The following CPA6 variants were observed in gnomAD, a reference collection of about 807,000 sequenced individuals.
The protein encoded by CPA6 is carboxypeptidase B.
In CPA6, 58 loss-of-function variants were observed where a neutral mutation model predicts 63.3. That is an observed-to-expected ratio of 0.92 (90% CI 0.74 to 1.14). The LOEUF (loss-of-function observed/expected upper bound fraction) is 1.14. CPA6 is among the 50% of genes most tolerant of loss of function. The probability of loss-of-function intolerance (pLI) is 0.00; values close to 1 mark genes in which losing one functional copy is unlikely to be tolerated. For missense variants in CPA6, 565 were observed against 526.6 expected, an observed-to-expected ratio of 1.07 and a Z score of -0.71; for synonymous variants, 185 against 179.0, an observed-to-expected ratio of 1.03 and a Z score of -0.27.
chr8:67,729,923 T>C (rs1817675153), intron 1 of CPA6, among the ~76,000 whole-genome samples: 1 of 152,236 alleles, frequency 6.6e-6, no homozygotes, highest in African/African-American at 2.4e-5. Flanking sequence ...AATTTGGCCA[T>C]TTCTGTTTTT....
intron 2 of CPA6, among the ~76,000 whole-genome samples, chr8:67,576,722 C>T (rs993222172): frequency 4.6e-5 from 7 of 152,176 alleles, no homozygotes; most frequent in African/African-American, 1.7e-4. Flanking sequence ...TTTAACTCTG[C>T]TTATGGTACT....
chr8:67,629,991 G>A (rs1270699621), intron 1 of CPA6, among the ~76,000 whole-genome samples: 1 of 151,854 alleles, frequency 6.6e-6, no homozygotes, highest in Non-Finnish European at 1.5e-5. Context: ...TATAGCACCA[G>A]CTACTCGGGA....
chr8:67,610,930 G>A (rs1474538141), intron 2 of CPA6, among the ~76,000 whole-genome samples: 4 of 151,836 alleles, frequency 2.6e-5, no homozygotes, highest in Non-Finnish European at 5.9e-5. Flanking sequence ...TTTAAACTAT[G>A]AGGATTACAT....
intron 1 of CPA6, among the ~76,000 whole-genome samples, chr8:67,666,956 G>A (rs929306817): frequency 1.3e-5 from 2 of 152,078 alleles, no homozygotes; most frequent in African/African-American, 4.8e-5. Context: ...TATGCACAAG[G>A]TTTACATATC....
At chr8:67,635,316 C>A (rs1815443377) in intron 1 of CPA6, among the ~76,000 whole-genome samples, 1 of 151,642 alleles carries the variant, frequency 6.6e-6, no homozygotes, top group Non-Finnish European at 1.5e-5. Flanking sequence ...TTTTTCTTGC[C>A]CTTTGCATGG....
At chr8:67,509,861 A>G (rs1386302401) in intron 4 of CPA6, among the ~76,000 whole-genome samples, 1 of 152,218 alleles carries the variant, frequency 6.6e-6, no homozygotes, top group African/African-American at 2.4e-5. Flanking sequence ...ATTAAAGCAT[A>G]CCTTCTACTA....
chr8:67,681,879 G>C (rs1816605858), intron 1 of CPA6, among the ~76,000 whole-genome samples: 1 of 151,138 alleles, frequency 6.6e-6, no homozygotes. Flanking sequence ...GGCTTTTCCA[G>C]GCTCTTTCAT....
At chr8:67,613,165 ACC>A (rs1814854323) in intron 2 of CPA6, among the ~76,000 whole-genome samples, 1 of 152,072 alleles carries the variant, frequency 6.6e-6, no homozygotes, top group Non-Finnish European at 1.5e-5. Flanking sequence ...CCTACCTCAT[ACC>A]CTTGCCTATT....
At chr8:67,673,389 T>TA (rs1491456262) in intron 1 of CPA6, among the ~76,000 whole-genome samples, 1 of 132,888 alleles carries the variant, frequency 7.5e-6, no homozygotes, top group African/African-American at 3.1e-5. Flanking sequence ...TATTTATTTA[T>TA]TTTTTTTTTT....
intron 2 of CPA6, among the ~76,000 whole-genome samples, chr8:67,577,418 C>T (rs1813655022): frequency 6.6e-6 from 1 of 152,142 alleles, no homozygotes; most frequent in South Asian, 2.1e-4. Flanking sequence ...TTCATCTCCC[C>T]ATCTGGGCTT....
intron 2 of CPA6, among the ~76,000 whole-genome samples, chr8:67,551,538 T>G (rs1327526824): frequency 1.3e-5 from 2 of 152,196 alleles, no homozygotes; most frequent in African/African-American, 4.8e-5. Context: ...TTTAGAATAG[T>G]TTTTCCTAGT....
chr8:67,574,063 G>C (rs2128976938), intron 2 of CPA6, among the ~76,000 whole-genome samples: 1 of 152,130 alleles, frequency 6.6e-6, no homozygotes, highest in South Asian at 2.1e-4. Flanking sequence ...AAATCTCAAT[G>C]TCACTTTTCG....
chr8:67,438,526 G>T (rs1810214535), intron 8 of CPA6, among the ~76,000 whole-genome samples: 1 of 152,094 alleles, frequency 6.6e-6, no homozygotes, highest in Non-Finnish European at 1.5e-5. Flanking sequence ...CATCTAAAAG[G>T]CTTCAAAAGA....
At chr8:67,703,255 C>T (rs1228590311) in intron 1 of CPA6, among the ~76,000 whole-genome samples, 1 of 152,178 alleles carries the variant, frequency 6.6e-6, no homozygotes, top group Non-Finnish European at 1.5e-5. Context: ...GCTCTGCTCC[C>T]CCAAAGCTGA....
intron 8 of CPA6, among the ~76,000 whole-genome samples, chr8:67,443,170 C>A (rs1343053916): frequency 6.6e-6 from 1 of 151,828 alleles, no homozygotes; most frequent in Non-Finnish European, 1.5e-5. Flanking sequence ...TCAAGTGATT[C>A]TCCTGCCTCA....
Position 67,558,150 on chromosome 8 carries a change from C to T in CPA6, c.193-40103G>A, listed in dbSNP as rs150352993. ...AGCTAAGCTCAGTTTGGCAAATTCGCCTTCACACTTGCTATGATTTTTGCC... is the reference window on the plus strand; with the variant it reads ...AGCTAAGCTCAGTTTGGCAAATTCGTCTTCACACTTGCTATGATTTTTGCC... On this transcript the variant is annotated intron_variant, in intron 2 of 10. Coordinates refer to ENST00000297770, the MANE Select transcript of CPA6 (RefSeq NM_020361.5). Among the ~76,000 whole-genome samples, 643 of 152,306 alleles carry T rather than the reference C, an allele frequency of 4.2e-3. 3 individuals carry two copies. The highest frequency in any genetic ancestry group is 0.014 in the African/African-American group (599 of 41,562).
intron 1 of CPA6, chr8:67,732,715 G>A: frequency 6.6e-6 from 1 of 152,634 alleles, no homozygotes; most frequent in Non-Finnish European, 1.5e-5. Flanking sequence ...GGAGGAACAT[G>A]CACAGAATAG....
At chr8:67,525,407 C>A (rs1164055709) in intron 2 of CPA6, among the ~76,000 whole-genome samples, 1 of 152,052 alleles carries the variant, frequency 6.6e-6, no homozygotes, top group South Asian at 2.1e-4. Context: ...TAAAATTAGA[C>A]CAGTCCAAAT....
At chr8:67,739,963 G>A (rs944957199) in intron 1 of CPA6, among the ~76,000 whole-genome samples, 9 of 152,146 alleles carry the variant, frequency 5.9e-5, no homozygotes, top group Non-Finnish European at 1.0e-4. Flanking sequence ...AGGGAGAGGA[G>A]AGTACAAATG....
Sources: gnomAD v4.1 joint callset for allele counts (sites outside exome capture counted in the v4.1 genomes callset) on GRCh38, gnomAD v4.1.1 for gene constraint, MANE v1.5 for transcripts, NCBI Gene and HGNC (gene_info 2026-07-23, HGNC 2026-07-21) for gene names.